Variants in DENND4A observed in about 807,000 individuals in gnomAD.
DENND4A encodes the protein DENN domain containing 4A, also known as C-myc promoter-binding protein.
DENND4A carries 70 observed loss-of-function variants against 199.3 expected under a neutral mutation model. The observed-to-expected ratio is 0.35, with a 90% confidence interval of 0.29 to 0.43. The LOEUF is 0.43. Ranked by LOEUF, DENND4A falls within the 20% of genes least tolerant of loss-of-function variation. The pLI is 1.00. For synonymous variants in DENND4A, 686 were observed against 766.9 expected, an observed-to-expected ratio of 0.89 and a Z score of 1.74; for missense variants, 1,723 against 2,255.8, an observed-to-expected ratio of 0.76 and a Z score of 4.78.
At chr15:65,677,782 T>A (rs1273964554) in intron 23 of DENND4A, among the ~76,000 whole-genome samples, 2 of 152,190 alleles carry the variant, frequency 1.3e-5, no homozygotes, top group Non-Finnish European at 2.9e-5. Flanking sequence ...CCCAAACTTC[T>A]ATGTACATAT....
rs1335625067 is a variant in DENND4A, at chr15:65,661,306, TAGC to T, written c.*542_*544del. 3 of 152,228 alleles carry T rather than the reference TAGC, an allele frequency of 2.0e-5. No homozygotes were observed. The highest frequency in any genetic ancestry group is 4.4e-5 in the Non-Finnish European group (3 of 68,050). The allele number at this position is 152,228 out of a possible 1,614,324, so 9.4% of individuals were successfully genotyped here. A position where few individuals can be genotyped will look rare whatever the true frequency, so the allele number is the denominator to read the frequency against. ...CTGCAGCTGTACTAATTACTTCAAA[TAGC>T]AGCAGACAAGGAAAATACACGCTTG... On this transcript the variant is annotated 3_prime_UTR_variant, in exon 33 of 33. Transcript: ENST00000443035.
Position 65,702,872 on chromosome 15 carries a change from C to T in DENND4A, c.2223+1G>A. 1 of 1,603,626 alleles carries T rather than the reference C, an allele frequency of 6.2e-7. No homozygotes were observed. Among genetic ancestry groups the T allele is most frequent in the South Asian group, 1.1e-5 (1 of 89,232 alleles). On this transcript the variant is annotated splice_donor_variant, in intron 16 of 32. Transcript: ENST00000443035. LOFTEE classifies it high-confidence loss of function. ...ATTACATGAAGAATGTGATAAAGTA[C>T]CTGTTTTGTTCTTCTGAACATGGGC...
At chr15:65,746,766 T>A in intron 4 of DENND4A, among the ~76,000 whole-genome samples, 1 of 151,678 alleles carries the variant, frequency 6.6e-6, no homozygotes, top group Non-Finnish European at 1.5e-5. Flanking sequence ...GAAAGAGTAT[T>A]TAAAAAATAC....
intron 32 of DENND4A, 134 bp downstream of exon 32, chr15:65,664,196 T>C (rs1255960900): frequency 3.6e-6 from 2 of 559,750 alleles, no homozygotes; most frequent in Admixed American, 7.0e-5. Flanking sequence ...TCTTGGTCCT[T>C]AGCAACAACT....
rs189836973 is a variant in DENND4A at position 65,756,310 on chromosome 15, A to G, written c.141T>C (p.Asp47=). 6.2e-6 allele frequency: 10 copies of G among 1,613,668 alleles called. No homozygotes were observed. The Admixed American group carries it at 1.7e-4, about 27-fold the overall frequency. The change falls in exon 3 of 33, where the codon GAT becomes GAC. Residue 47 remains aspartate (D), a synonymous_variant. Transcript: ENST00000443035. Reference sequence around the variant, plus strand: ...CAAGAGATTTGATAATAACTGAAACATCTGTAATAGGTTCTTTTGGTTTAG... The same window carrying G: ...CAAGAGATTTGATAATAACTGAAACGTCTGTAATAGGTTCTTTTGGTTTAG... ...KVAKPKEPIT[D]VSVIIKSLGE...
chr15:65,771,771 T>G (rs2077133039), intron 1 of DENND4A: 2 of 1,613,370 alleles, frequency 1.2e-6, no homozygotes, highest in African/African-American at 2.7e-5. Flanking sequence ...TGCCATTGTT[T>G]TGGTGGTTAC....
chr15:65,747,848 C>G (rs573827083), intron 4 of DENND4A, among the ~76,000 whole-genome samples: 74 of 151,892 alleles, frequency 4.9e-4, no homozygotes, highest in Non-Finnish European at 1.0e-3. Context: ...CAAGATCAGC[C>G]TGACCAACGT....
chr15:65,712,421 G>A lies in DENND4A; in HGVS notation c.1953+3057C>T, dbSNP rs114221656. ...TAGTTTATACAACACTACTCTGAACGCTATGATAGGCAGCTATAATTATTT... is the reference window on the plus strand; with the variant it reads ...TAGTTTATACAACACTACTCTGAACACTATGATAGGCAGCTATAATTATTT... On this transcript the variant is annotated intron_variant, in intron 14 of 32. Transcript: ENST00000443035. 2.5e-3 allele frequency among the ~76,000 whole-genome samples: 375 copies of A among 152,240 alleles called. 1 individual carries two copies. Among genetic ancestry groups the A allele is most frequent in the African/African-American group, 8.7e-3 (361 of 41,538 alleles).
intron 4 of DENND4A, 64 bp downstream of exon 4, chr15:65,752,315 A>AAAAAAAT: frequency 4.2e-6 from 1 of 239,252 alleles, no homozygotes; most frequent in African/African-American, 3.6e-5. Flanking sequence ...AAAAAAAAAG[A>AAAAAAAT]TGTATTTAAA....
intron 22 of DENND4A, among the ~76,000 whole-genome samples, chr15:65,691,958 CTTT>C (rs767840868): frequency 4.5e-5 from 6 of 134,072 alleles, no homozygotes; most frequent in Admixed American, 1.5e-4. Flanking sequence ...CTGAGTCTTC[CTTT>C]TTTTTTTTTT....
intron 14 of DENND4A, among the ~76,000 whole-genome samples, chr15:65,712,086 T>C (rs753990557): frequency 6.6e-6 from 1 of 152,258 alleles, no homozygotes; most frequent in Non-Finnish European, 1.5e-5. Flanking sequence ...GGTAATGGCA[T>C]GTATCCATCT....
chr15:65,665,506 A>C (rs746923662), intron 29 of DENND4A, 44 bp from the exon 30 acceptor site: 4 of 1,407,650 alleles, frequency 2.8e-6, no homozygotes, highest in Middle Eastern at 3.6e-4. Context: ...TTACATGATA[A>C]TTTTTCATAA....
rs891654780 is a variant in DENND4A at position 65,725,590 on chromosome 15, T to C, written c.1488-2642A>G. On this transcript the variant is annotated intron_variant, in intron 11 of 32. Transcript: ENST00000443035. ...TACTCGGGAGGCTGAGGCAGGAGAATGGCAAGAACCTGGGAGGTGGAGCTT... is the reference window on the plus strand; with the variant it reads ...TACTCGGGAGGCTGAGGCAGGAGAACGGCAAGAACCTGGGAGGTGGAGCTT... Among the ~76,000 whole-genome samples, 9 of 151,554 alleles carry C rather than the reference T, an allele frequency of 5.9e-5. No homozygotes were observed. The East Asian group carries it at 1.6e-3, about 26-fold the overall frequency.
chr15:65,763,313 C>A (rs74021824), intron 1 of DENND4A, among the ~76,000 whole-genome samples: 140 of 152,286 alleles, frequency 9.2e-4, no homozygotes, highest in African/African-American at 3.3e-3. Context: ...ACACAAGATT[C>A]ATCTAACTTG....
At chr15:65,669,689 C>A in intron 27 of DENND4A, 90 bp downstream of exon 27, 11 of 1,129,334 alleles carry the variant, frequency 9.7e-6, no homozygotes, top group Middle Eastern at 2.1e-4. Flanking sequence ...ACATTTAAAC[C>A]TGGAAATGGT....
At chr15:65,760,416 T>C (rs1329927992) in intron 2 of DENND4A, among the ~76,000 whole-genome samples, 1 of 152,134 alleles carries the variant, frequency 6.6e-6, no homozygotes, top group East Asian at 1.9e-4. Context: ...GGGAATTGCT[T>C]GAACCTGGGA....
At chr15:65,672,358 C>CT (rs1386703154) in intron 24 of DENND4A, among the ~76,000 whole-genome samples, 1 of 152,122 alleles carries the variant, frequency 6.6e-6, no homozygotes, top group African/African-American at 2.4e-5. Flanking sequence ...GGCATGGTGG[C>CT]TCATGCCTGT....
At chr15:65,791,536 G>T (rs2077723105) in intron 1 of DENND4A, among the ~76,000 whole-genome samples, 1 of 151,714 alleles carries the variant, frequency 6.6e-6, no homozygotes, top group South Asian at 2.1e-4. Flanking sequence ...CGTGCCCGCG[G>T]GCCGGGGAAG....
intron 15 of DENND4A, among the ~76,000 whole-genome samples, chr15:65,704,548 A>T (rs77361593): frequency 0.026 from 3,896 of 152,062 alleles, 65 homozygotes; most frequent in Non-Finnish European, 0.035. Flanking sequence ...ATTTTTAAAA[A>T]ATTATTTATA....
Sources: gnomAD v4.1 joint callset for allele counts (sites outside exome capture counted in the v4.1 genomes callset) on GRCh38, gnomAD v4.1.1 for gene constraint, MANE v1.5 for transcripts, NCBI Gene and HGNC (gene_info 2026-07-23, HGNC 2026-07-21) for gene names.